The following PCDHA2 variants were observed in gnomAD, a reference collection of about 807,000 sequenced individuals.
PCDHA2 encodes protocadherin alpha-2.
A neutral mutation model predicts 66.0 loss-of-function variants in PCDHA2; 58 were observed. The observed-to-expected ratio is 0.88, with a 90% confidence interval of 0.71 to 1.09. The LOEUF is 1.09. Among genes scored for constraint, PCDHA2 ranks in the 50% least tolerant of loss-of-function variants. PCDHA2 has a pLI of 0.00. For missense variants in PCDHA2, 1,267 were observed against 1,242.3 expected (o/e 1.02, Z -0.30); for synonymous variants, 634 against 554.0 (o/e 1.14, Z -2.03).
chr5:140,838,021 A>T (rs190658901), intron 1 of PCDHA2, among the ~76,000 whole-genome samples: 1 of 151,324 alleles, frequency 6.6e-6, no homozygotes, highest in African/African-American at 2.4e-5. Flanking sequence ...AAGTGATTAC[A>T]GTAGAAACCT....
intron 1 of PCDHA2, chr5:140,868,434 C>A (rs1581841717): frequency 6.6e-6 from 1 of 152,092 alleles, no homozygotes; most frequent in East Asian, 1.9e-4. Context: ...GAGAATAGAT[C>A]ATGTGGAACA....
At chr5:140,996,386 C>G (rs574909973) in intron 3 of PCDHA2, among the ~76,000 whole-genome samples, 1 of 152,268 alleles carries the variant, frequency 6.6e-6, no homozygotes, top group South Asian at 2.1e-4. Flanking sequence ...GAAATAATGC[C>G]TCATAGAGTT....
chr5:140,833,693 T>C (rs1463559850), intron 1 of PCDHA2, among the ~76,000 whole-genome samples: 1 of 152,176 alleles, frequency 6.6e-6, no homozygotes, highest in African/African-American at 2.4e-5. Flanking sequence ...TCTCTTATTT[T>C]GTTTTCCCAA....
chr5:140,982,300 G>A (rs2096976836), intron 2 of PCDHA2, 175 bp from the exon 3 acceptor site: 1 of 1,204,506 alleles, frequency 8.3e-7, no homozygotes, highest in South Asian at 1.7e-5. Flanking sequence ...AGTCAGCAAT[G>A]CTTCTGCAGT....
chr5:140,843,645 G>A, intron 1 of PCDHA2: 1 of 1,595,642 alleles, frequency 6.3e-7, no homozygotes. Context: ...TTCAGCCCCT[G>A]CCTTCCTCCT....
rs1247544483 is a variant in PCDHA2, at chr5:140,836,573, C to T, written c.2388+39221C>T. 4.3e-6 allele frequency: 7 copies of T among 1,613,572 alleles called. 1 individual carries two copies. Among genetic ancestry groups the T allele is most frequent in the Non-Finnish European group, 5.9e-6 (7 of 1,179,840 alleles). ...GGTGCTCAGCGCCGTCCTCTGAGGGCGCATGTAGTTTGGTAAAGCCCACTC... is the reference window on the plus strand; with the variant it reads ...GGTGCTCAGCGCCGTCCTCTGAGGGTGCATGTAGTTTGGTAAAGCCCACTC... On this transcript the variant is annotated intron_variant, in intron 1 of 3. Coordinates refer to ENST00000526136, the MANE Select transcript of PCDHA2 (RefSeq NM_018905.3).
chr5:140,795,530 G>A lies in PCDHA2; in HGVS notation c.566G>A (p.Ser189Asn), dbSNP rs141531617. 383 of 1,614,050 alleles carry A rather than the reference G, an allele frequency of 2.4e-4. 1 individual carries two copies. Among genetic ancestry groups the A allele is most frequent in the Non-Finnish European group, 3.0e-4 (356 of 1,180,030 alleles). The change falls in exon 1 of 4, where the codon AGC becomes AAC. Residue 189 changes from serine to asparagine, a missense_variant. Coordinates refer to ENST00000526136, the MANE Select transcript of PCDHA2 (RefSeq NM_018905.3). ...GATATACAGGCAAATGATGAACTAAGCGAATCTTTGTCTCTCGTGCTGGGG... is the reference window on the plus strand; with the variant it reads ...GATATACAGGCAAATGATGAACTAAACGAATCTTTGTCTCTCGTGCTGGGG... ...FLDIQANDEL[S>N]ESLSLVLGKS...
intron 1 of PCDHA2, chr5:140,968,033 G>A (rs1554230222): frequency 6.2e-7 from 1 of 1,614,074 alleles, no homozygotes; most frequent in African/African-American, 1.3e-5. Context: ...TACACTGGTG[G>A]TGAGCGGCCC....
chr5:140,869,373 C>A (rs782224697), intron 1 of PCDHA2: 1 of 1,614,102 alleles, frequency 6.2e-7, no homozygotes, highest in Non-Finnish European at 8.5e-7. Context: ...ATTCTCGGAT[C>A]GACCGCGAGG....
At chr5:140,910,451 G>A (rs2075030507) in intron 1 of PCDHA2, among the ~76,000 whole-genome samples, 1 of 152,190 alleles carries the variant, frequency 6.6e-6, no homozygotes. Flanking sequence ...GTAGTTGAGT[G>A]ACTGTGGTTC....
rs1364118007 is a variant in PCDHA2 at position 140,899,089 on chromosome 5, G to T, written c.2389-79860G>T. Among the ~76,000 whole-genome samples the T allele has an allele frequency of 5.3e-5, 8 of 152,134 alleles. No individual in the cohort carries two copies. The East Asian group carries it at 1.5e-3, about 29-fold the overall frequency. On this transcript the variant is annotated intron_variant, in intron 1 of 3. Coordinates refer to ENST00000526136, the MANE Select transcript of PCDHA2 (RefSeq NM_018905.3). ...TGCTTATCAGCTTAAGGAGATTTTG[G>T]GCTGAGATAATGGGGTTTTCTAGAT...
In PCDHA2 at chr5:140,877,673, C is replaced by T. The variant is rs1187719075; in HGVS notation, c.2388+80321C>T. The T allele has an allele frequency of 2.5e-5, 40 of 1,613,532 alleles. No individual in the cohort carries two copies. In the East Asian group the frequency reaches 8.0e-4, roughly 32 times the overall value. Reference sequence around the variant, plus strand: ...CCGCCCACCGTGAGCCGGTGCGCGCCGGGCAAGCCCACGCTGGTGTGCTCC... The same window carrying T: ...CCGCCCACCGTGAGCCGGTGCGCGCTGGGCAAGCCCACGCTGGTGTGCTCC... On this transcript the variant is annotated intron_variant, in intron 1 of 3. Transcript: ENST00000526136.
intron 1 of PCDHA2, chr5:140,823,826 G>C: frequency 6.2e-7 from 1 of 1,613,820 alleles, no homozygotes; most frequent in Non-Finnish European, 8.5e-7. Flanking sequence ...GCGTCGGCGG[G>C]CGCTGTGGGT....
intron 1 of PCDHA2, among the ~76,000 whole-genome samples, chr5:140,898,903 C>T (rs1323359632): frequency 6.6e-6 from 1 of 152,100 alleles, no homozygotes; most frequent in Non-Finnish European, 1.5e-5. Context: ...AGAGGTCCTT[C>T]ACGTCCCTTG....
chr5:140,919,529 TC>T (rs2079177812), intron 1 of PCDHA2, among the ~76,000 whole-genome samples: 1 of 152,196 alleles, frequency 6.6e-6, no homozygotes. Context: ...TCTCTTTTTT[TC>T]CTATACTTTT....
At chr5:140,876,752 C>A (rs374137138) in intron 1 of PCDHA2, 2 of 1,614,194 alleles carry the variant, frequency 1.2e-6, no homozygotes, top group Non-Finnish European at 1.7e-6. Context: ...GTGGTGACTG[C>A]GCGGGATGGG....
At chr5:140,897,028 A>G (rs2065844542) in intron 1 of PCDHA2, among the ~76,000 whole-genome samples, 2 of 152,046 alleles carry the variant, frequency 1.3e-5, no homozygotes, top group Admixed American at 6.6e-5. Context: ...AATTATTTAG[A>G]CCATAGTCAC....
At chr5:140,829,045 C>T in intron 1 of PCDHA2, 1 of 1,612,830 alleles carries the variant, frequency 6.2e-7, no homozygotes, top group South Asian at 1.1e-5. Flanking sequence ...TATACAAAAT[C>T]CTCATTGACG....
intron 1 of PCDHA2, among the ~76,000 whole-genome samples, chr5:140,960,384 A>G (rs1204813293): frequency 6.6e-6 from 1 of 152,198 alleles, no homozygotes. Flanking sequence ...GTGCCAAGAC[A>G]TTAGGATGCA....
Sources: gnomAD v4.1 joint callset for allele counts (sites outside exome capture counted in the v4.1 genomes callset) on GRCh38, gnomAD v4.1.1 for gene constraint, MANE v1.5 for transcripts, NCBI Gene and HGNC (gene_info 2026-07-23, HGNC 2026-07-21) for gene names.